Variants in FAP observed in about 807,000 individuals in gnomAD.
The protein encoded by FAP is fibroblast activation protein alpha.
FAP carries 110 observed loss-of-function variants against 126.5 expected under a neutral mutation model. The ratio of observed to expected loss-of-function variants is 0.87; its 90% CI spans 0.74 to 1.02. The LOEUF is 1.02. Ranked by LOEUF, FAP falls within the 50% of genes least tolerant of loss-of-function variation. The pLI, the probability that FAP is intolerant of heterozygous loss-of-function variation, is 0.00. For synonymous variants in FAP, 334 were observed against 297.3 expected, an observed-to-expected ratio of 1.12 and a Z score of -1.27; for missense variants, 919 against 909.2, an observed-to-expected ratio of 1.01 and a Z score of -0.14.
chr2:162,234,795 G>A (rs1241828243), intron 2 of FAP, among the ~76,000 whole-genome samples: 1 of 152,152 alleles, frequency 6.6e-6, no homozygotes, highest in African/African-American at 2.4e-5. Context: ...CTGCACCGTA[G>A]GAGCCTTTCT....
intron 20 of FAP, among the ~76,000 whole-genome samples, chr2:162,187,889 G>A (rs751803648): frequency 2.6e-5 from 4 of 152,016 alleles, no homozygotes; most frequent in Non-Finnish European, 5.9e-5. Flanking sequence ...TGTAAGAAAT[G>A]GAACTAAATT....
intron 20 of FAP, among the ~76,000 whole-genome samples, chr2:162,186,926 G>T (rs753206764): frequency 6.6e-6 from 1 of 152,000 alleles, no homozygotes; most frequent in South Asian, 2.1e-4. Flanking sequence ...TAGTTGAAAG[G>T]CCAAAAGTCT....
intron 2 of FAP, among the ~76,000 whole-genome samples, chr2:162,242,473 T>C (rs1171354478): frequency 1.3e-5 from 2 of 152,178 alleles, no homozygotes; most frequent in Non-Finnish European, 2.9e-5. Context: ...CCTCCCTAAA[T>C]TTTTGGAAAG....
intron 10 of FAP, among the ~76,000 whole-genome samples, chr2:162,215,480 C>G (rs1689126706): frequency 6.6e-6 from 1 of 152,196 alleles, no homozygotes; most frequent in Non-Finnish European, 1.5e-5. Context: ...TGAGAATAGC[C>G]TGCTTCATTG....
intron 20 of FAP, 142 bp downstream of exon 20, chr2:162,188,027 C>A: frequency 1.6e-6 from 1 of 638,136 alleles, no homozygotes; most frequent in Non-Finnish European, 2.7e-6. Context: ...GGCAGAAATA[C>A]CTCTTTAAGA....
chr2:162,207,072 T>C (rs745396585), intron 12 of FAP, among the ~76,000 whole-genome samples: 3 of 152,228 alleles, frequency 2.0e-5, no homozygotes, highest in Non-Finnish European at 4.4e-5. Flanking sequence ...TAAATGTTAC[T>C]TGAATGAATG....
At chr2:162,204,345 T>G (rs958131778) in intron 12 of FAP, among the ~76,000 whole-genome samples, 3 of 152,212 alleles carry the variant, frequency 2.0e-5, no homozygotes, top group African/African-American at 7.2e-5. Flanking sequence ...ATGTCTTTAG[T>G]GGACTGAGTT....
intron 2 of FAP, among the ~76,000 whole-genome samples, chr2:162,228,744 T>C (rs1160718585): frequency 6.6e-6 from 1 of 152,194 alleles, no homozygotes; most frequent in African/African-American, 2.4e-5. Context: ...ACCATTGATT[T>C]TGTAATTCTC....
Position 162,173,212 on chromosome 2 carries a change from C to T in FAP, c.2044G>A (p.Val682Met). 6.2e-7 allele frequency: 1 copy of T among 1,612,668 alleles called. No individual in the cohort carries two copies. The highest frequency in any genetic ancestry group is 1.1e-5 in the South Asian group (1 of 91,042). The change falls in exon 24 of 26, where the codon GTG (valine) becomes ATG (methionine). Residue 682 changes from valine (V) to methionine (M), a missense_variant. Coordinates refer to ENST00000188790, the MANE Select transcript of FAP (RefSeq NM_004460.5). ...CTGAAATATTCTGCTCTTGCCATCA[C>T]AGTTGAATTCTGGAAAAGAGAAAAA... ...DNLEHYKNST[V>M]MARAEYFRNV... is the part of the protein sequence containing the mutation.
rs1388342496 is a variant in FAP, at chr2:162,219,125, T to G, written c.545A>C (p.Gln182Pro). The change falls in exon 8 of 26, where the codon CAA becomes CCA. Residue 182 changes from glutamine to proline, a missense_variant. By Grantham distance (76) the Gln-to-Pro change is moderately conservative. Coordinates refer to ENST00000188790, the MANE Select transcript of FAP (RefSeq NM_004460.5). ...LKQRPGDPPF[Q>P]ITFNGRENKI... The stretch of plus-strand genomic sequence containing the variant: ...ATTTTCTCTTCCATTAAATGTTATT[T>G]GAAAAGGTGGATCTCCTGGTCTTTG... The G allele has an allele frequency of 1.9e-6, 3 of 1,607,180 alleles. No homozygotes were observed. The African/African-American group carries it at 4.0e-5, about 22-fold the overall frequency.
chr2:162,196,518 CT>C (rs3051148), intron 16 of FAP, among the ~76,000 whole-genome samples: 7,257 of 127,608 alleles, frequency 0.057, 401 homozygotes, highest in Admixed American at 0.24. Flanking sequence ...ACTTGCATAT[CT>C]TTTTTTTTTT....
chr2:162,211,593 G>A (rs774734775), intron 11 of FAP, among the ~76,000 whole-genome samples: 1 of 152,112 alleles, frequency 6.6e-6, no homozygotes, highest in African/African-American at 2.4e-5. Context: ...ACACAGTCTG[G>A]ATTTTCTCTT....
At chr2:162,218,743 G>GAA (rs1407677030) in intron 8 of FAP, among the ~76,000 whole-genome samples, 390 of 146,908 alleles carry the variant, frequency 2.7e-3, no homozygotes, top group African/African-American at 9.3e-3. Flanking sequence ...GTTTAGTTTT[G>GAA]AAAAAAAAAA....
At chr2:162,188,594 G>A (rs968812654) in intron 19 of FAP, among the ~76,000 whole-genome samples, 4 of 151,990 alleles carry the variant, frequency 2.6e-5, no homozygotes, top group African/African-American at 9.7e-5. Context: ...TACATCTAGG[G>A]TTGGCATTTC....
chr2:162,226,449 A>G (rs1246803216), intron 3 of FAP, 74 bp downstream of exon 3: 2 of 678,010 alleles, frequency 2.9e-6, no homozygotes, highest in African/African-American at 1.8e-5. Context: ...GTTACTATAG[A>G]GATGTATTGG....
At chr2:162,202,647 C>T (rs1231708850) in intron 14 of FAP, among the ~76,000 whole-genome samples, 3 of 152,110 alleles carry the variant, frequency 2.0e-5, no homozygotes, top group Non-Finnish European at 4.4e-5. Context: ...TATATAATTG[C>T]CTACCAAATA....
At chr2:162,241,558 G>A (rs1690346769) in intron 2 of FAP, among the ~76,000 whole-genome samples, 1 of 152,150 alleles carries the variant, frequency 6.6e-6, no homozygotes. Context: ...TTATTTCTGA[G>A]GGTGCAGAGT....
At chr2:162,233,013 T>C (rs1214693031) in intron 2 of FAP, among the ~76,000 whole-genome samples, 1 of 152,156 alleles carries the variant, frequency 6.6e-6, no homozygotes, top group Non-Finnish European at 1.5e-5. Context: ...CTAGGTCATT[T>C]CGTTCTCCCA....
intron 2 of FAP, among the ~76,000 whole-genome samples, chr2:162,233,381 C>T (rs1054253294): frequency 1.7e-4 from 26 of 152,038 alleles, no homozygotes; most frequent in African/African-American, 6.3e-4. Context: ...CAAGCCATTT[C>T]ACAATCTTTA....
Sources: allele counts gnomAD v4.1 joint callset (sites outside exome capture counted in the v4.1 genomes callset), GRCh38; gene constraint gnomAD v4.1.1; transcripts MANE v1.5; gene names NCBI Gene and HGNC (gene_info 2026-07-23, HGNC 2026-07-21).